Variants in PRKAG2 observed in about 807,000 individuals in gnomAD.
PRKAG2 encodes the protein protein kinase AMP-activated non-catalytic subunit gamma 2.
In PRKAG2, 26 loss-of-function variants were observed where a neutral mutation model predicts 69.6. That is an observed-to-expected ratio of 0.37 (90% CI 0.27 to 0.52). The LOEUF is 0.52. Ranked by LOEUF, PRKAG2 falls within the 20% of genes least tolerant of loss-of-function variation. PRKAG2 has a pLI of 0.90. For missense variants in PRKAG2, 557 were observed against 740.0 expected, an observed-to-expected ratio of 0.75 and a Z score of 2.87; for synonymous variants, 293 against 285.0, an observed-to-expected ratio of 1.03 and a Z score of -0.28.
chr7:151,581,415 A>G (rs1157416557), intron 6 of PRKAG2, among the ~76,000 whole-genome samples: 11 of 152,214 alleles, frequency 7.2e-5, no homozygotes, highest in Non-Finnish European at 1.5e-4. Flanking sequence ...AATGAGTCCA[A>G]TGGATCTAAA....
chr7:151,773,011 AAGAAAGAAAGAAAGAGAG>A (rs1322369769), intron 3 of PRKAG2, among the ~76,000 whole-genome samples: 1 of 16,436 alleles, frequency 6.1e-5, no homozygotes, highest in African/African-American at 6.1e-4. Flanking sequence ...GAAAGAAAGA[AAGAAAGAAAGAAAGAGAG>A]AGAGAGAGAG....
At chr7:151,797,232 C>T (rs149161832) in intron 1 of PRKAG2, among the ~76,000 whole-genome samples, 91,473 of 138,160 alleles carry the variant, frequency 0.66, 27,957 homozygotes, top group Middle Eastern at 0.69. Flanking sequence ...TTGCCACCCC[C>T]CCCACCCCCC....
chr7:151,633,291 G>A (rs971128616), intron 4 of PRKAG2: 1 of 152,158 alleles, frequency 6.6e-6, no homozygotes, highest in African/African-American at 2.4e-5. Flanking sequence ...ATGGTAAAAA[G>A]CTACAGCAGA....
chr7:151,659,590 T>C (rs909855829), intron 4 of PRKAG2, among the ~76,000 whole-genome samples: 3 of 152,336 alleles, frequency 2.0e-5, no homozygotes, highest in Admixed American at 2.0e-4. Flanking sequence ...ATGTGTAGAC[T>C]AAATGCAATA....
intron 3 of PRKAG2, among the ~76,000 whole-genome samples, chr7:151,690,040 C>G (rs1835419271): frequency 6.6e-6 from 1 of 152,166 alleles, no homozygotes; most frequent in Non-Finnish European, 1.5e-5. Context: ...GTGGTGGAAA[C>G]AAAAGTATTG....
chr7:151,683,828 C>T (rs999118370), intron 3 of PRKAG2, among the ~76,000 whole-genome samples: 8 of 152,248 alleles, frequency 5.3e-5, no homozygotes, highest in South Asian at 2.1e-4. Flanking sequence ...AGACCCTGGG[C>T]GGCGCGAGAC....
At chr7:151,695,895 A>T (rs1387538667) in intron 3 of PRKAG2, among the ~76,000 whole-genome samples, 1 of 152,070 alleles carries the variant, frequency 6.6e-6, no homozygotes, top group East Asian at 1.9e-4. Context: ...AACCGTAGGC[A>T]CTGTGTCCTC....
intron 3 of PRKAG2, among the ~76,000 whole-genome samples, chr7:151,698,342 C>T (rs929904042): frequency 6.6e-6 from 1 of 152,184 alleles, no homozygotes; most frequent in African/African-American, 2.4e-5. Context: ...CATCCCCCAC[C>T]CCCTCGCCTG....
chr7:151,683,721 G>A (rs1834236143), intron 3 of PRKAG2, among the ~76,000 whole-genome samples: 1 of 152,134 alleles, frequency 6.6e-6, no homozygotes, highest in Non-Finnish European at 1.5e-5. Context: ...GGTGGCCCAG[G>A]GAGGTGCCCA....
chr7:151,852,198 A>C lies in PRKAG2; in HGVS notation c.114+24309T>G, dbSNP rs1586722579. Among the ~76,000 whole-genome samples the C allele has an allele frequency of 3.9e-5, 6 of 152,260 alleles. 1 individual carries two copies. The South Asian group carries it at 1.0e-3, about 26-fold the overall frequency. On this transcript the variant is annotated intron_variant, in intron 1 of 15. Transcript: ENST00000287878. ...GGTCCCTGGGGCTAGGGGGGACAGA[A>C]CCCTCAAGAATGTAAGCCCTGGCGG...
intron 1 of PRKAG2, among the ~76,000 whole-genome samples, chr7:151,829,335 G>A (rs1198854961): frequency 2.0e-5 from 3 of 152,090 alleles, no homozygotes; most frequent in Non-Finnish European, 2.9e-5. Flanking sequence ...CACACCCACT[G>A]GGACAGCTAG....
At chr7:151,750,568 CG>C (rs1469077481) in intron 3 of PRKAG2, among the ~76,000 whole-genome samples, 1 of 152,084 alleles carries the variant, frequency 6.6e-6, no homozygotes, top group Non-Finnish European at 1.5e-5. Context: ...GAAAGGCAGA[CG>C]GCAGCTTAGC....
intron 3 of PRKAG2, among the ~76,000 whole-genome samples, chr7:151,681,522 C>CT: frequency 6.6e-6 from 1 of 152,104 alleles, no homozygotes; most frequent in Non-Finnish European, 1.5e-5. Flanking sequence ...AACATATGCC[C>CT]TATCTGTTGA....
intron 4 of PRKAG2, among the ~76,000 whole-genome samples, chr7:151,633,719 C>A (rs1358958386): frequency 6.6e-6 from 1 of 152,082 alleles, no homozygotes; most frequent in Non-Finnish European, 1.5e-5. Context: ...TAGCTGTATG[C>A]TGAAAATCAC....
intron 10 of PRKAG2, among the ~76,000 whole-genome samples, chr7:151,569,710 T>C (rs1373006296): frequency 6.6e-6 from 1 of 152,232 alleles, no homozygotes; most frequent in Admixed American, 6.5e-5. Flanking sequence ...CCAGAAGGCT[T>C]GGATAAAAAA....
At chr7:151,813,342 G>A (rs956036632) in intron 1 of PRKAG2, among the ~76,000 whole-genome samples, 2 of 152,058 alleles carry the variant, frequency 1.3e-5, no homozygotes, top group East Asian at 3.9e-4. Context: ...CTCCACCTGG[G>A]TTGAAAATTC....
chr7:151,820,605 C>T (rs186474383), intron 1 of PRKAG2, among the ~76,000 whole-genome samples: 4 of 41,252 alleles, frequency 9.7e-5, no homozygotes, highest in Non-Finnish European at 2.4e-4. Context: ...AACACCGCTC[C>T]GTGGCCTGGC....
chr7:151,692,673 G>A (rs899252416), intron 3 of PRKAG2, among the ~76,000 whole-genome samples: 1 of 152,124 alleles, frequency 6.6e-6, no homozygotes. Context: ...CTCTGCAATG[G>A]GGGAAGCAGG....
intron 3 of PRKAG2, among the ~76,000 whole-genome samples, chr7:151,717,889 G>T (rs1167975503): frequency 6.6e-6 from 1 of 152,192 alleles, no homozygotes; most frequent in East Asian, 1.9e-4. Context: ...GACCTTGCTG[G>T]GGACCTGCCT....
Sources: allele counts gnomAD v4.1 joint callset (sites outside exome capture counted in the v4.1 genomes callset), GRCh38; gene constraint gnomAD v4.1.1; transcripts MANE v1.5; gene names NCBI Gene and HGNC (gene_info 2026-07-23, HGNC 2026-07-21).